SMAD1: variants seen among roughly 807,000 people sequenced by gnomAD.
SMAD1 encodes the protein MAD, mothers against decapentaplegic homolog 1.
SMAD1 carries 6 observed loss-of-function variants against 41.6 expected under a neutral mutation model. The ratio of observed to expected loss-of-function variants is 0.14; its 90% CI spans 0.08 to 0.28. The LOEUF (loss-of-function observed/expected upper bound fraction) is 0.28, where lower values mean the gene tolerates loss of function less well. SMAD1 is among the 10% of genes least tolerant of loss of function. SMAD1 has a pLI of 1.00. For synonymous variants in SMAD1, 206 were observed against 203.2 expected (o/e 1.01, Z -0.12); for missense variants, 379 against 582.6 (o/e 0.65, Z 3.60).
chr4:145,516,394 T>G (rs1429217331), intron 2 of SMAD1, among the ~76,000 whole-genome samples: 2 of 152,232 alleles, frequency 1.3e-5, no homozygotes, highest in African/African-American at 4.8e-5. Context: ...TTTATTGGAA[T>G]TTCGTTGATT....
chr4:145,510,977 C>T lies in SMAD1; in HGVS notation c.-176-3461C>T, dbSNP rs551252702. On this transcript the variant is annotated intron_variant, in intron 1 of 6. Coordinates refer to ENST00000302085, the MANE Select transcript of SMAD1 (RefSeq NM_005900.3). The stretch of plus-strand genomic sequence containing the variant: ...TTGTCTTTAAAAATCTCTGGTGATA[C>T]CTCTTACTTTTGAAGTCTGTTTTAT... Among the ~76,000 whole-genome samples, 40 of 152,074 alleles carry T rather than the reference C, an allele frequency of 2.6e-4. 1 individual carries two copies. In the South Asian group the frequency reaches 3.9e-3, roughly 15 times the overall value.
intron 2 of SMAD1, among the ~76,000 whole-genome samples, chr4:145,536,192 A>G (rs892211291): frequency 1.3e-5 from 2 of 152,164 alleles, no homozygotes; most frequent in African/African-American, 4.8e-5. Context: ...AGTTGGCTTA[A>G]CACTTGGATG....
intron 1 of SMAD1, among the ~76,000 whole-genome samples, chr4:145,500,065 T>C (rs1250699861): frequency 6.6e-6 from 1 of 152,218 alleles, no homozygotes; most frequent in African/African-American, 2.4e-5. Flanking sequence ...TTCATGTCTG[T>C]ACTTTGAGAA....
intron 1 of SMAD1, among the ~76,000 whole-genome samples, chr4:145,496,735 A>T (rs758608789): frequency 9.9e-5 from 15 of 152,200 alleles, no homozygotes; most frequent in Non-Finnish European, 2.1e-4. Flanking sequence ...TGCCCCAGGT[A>T]TACCAAGGGA....
At chr4:145,494,364 G>T (rs1728946422) in intron 1 of SMAD1, among the ~76,000 whole-genome samples, 2 of 152,232 alleles carry the variant, frequency 1.3e-5, no homozygotes, top group Non-Finnish European at 2.9e-5. Context: ...GTAAGGAATT[G>T]TAAGTACAGG....
intron 1 of SMAD1, among the ~76,000 whole-genome samples, chr4:145,508,878 C>T (rs1325750100): frequency 2.0e-5 from 3 of 152,114 alleles, no homozygotes; most frequent in Non-Finnish European, 2.9e-5. Context: ...TTTATGAGGG[C>T]ACTAATTCCA....
intron 1 of SMAD1, among the ~76,000 whole-genome samples, chr4:145,505,935 C>A (rs762243031): frequency 2.7e-4 from 41 of 151,900 alleles, no homozygotes; most frequent in Non-Finnish European, 5.0e-4. Flanking sequence ...ACCTCCACCT[C>A]CCTGTTCAAG....
intron 2 of SMAD1, among the ~76,000 whole-genome samples, chr4:145,524,275 T>C (rs780178497): frequency 2.0e-5 from 3 of 152,214 alleles, no homozygotes; most frequent in Non-Finnish European, 2.9e-5. Flanking sequence ...GATCTTTTAG[T>C]GGATTCCAGT....
chr4:145,513,518 T>C (rs1730205876), intron 1 of SMAD1: 1 of 152,358 alleles, frequency 6.6e-6, no homozygotes, highest in Admixed American at 6.5e-5. Flanking sequence ...TTTATGTCAA[T>C]AAATAGCAAC....
chr4:145,538,341 G>A (rs1008771662), intron 2 of SMAD1, among the ~76,000 whole-genome samples: 2 of 152,042 alleles, frequency 1.3e-5, no homozygotes, highest in Non-Finnish European at 2.9e-5. Flanking sequence ...GTTTGGTTTG[G>A]GAAGATTCCA....
At position 145,525,093 on chromosome 4, in the gene SMAD1, A is replaced by C. The variant is rs187396858; in HGVS notation, c.400+10080A>C. Among the ~76,000 whole-genome samples, 164 of 152,314 alleles carry C rather than the reference A, an allele frequency of 1.1e-3. 3 individuals carry two copies. Among genetic ancestry groups the C allele is most frequent in the Admixed American group, 0.01 (154 of 15,304 alleles). On this transcript the variant is annotated intron_variant, in intron 2 of 6. Coordinates refer to ENST00000302085, the MANE Select transcript of SMAD1 (RefSeq NM_005900.3). ...CGGTGGCCTTGCTGGATACTTGGAA[A>C]AAGGAGAGAAATAGAAGAGGATGGT...
intron 2 of SMAD1, among the ~76,000 whole-genome samples, chr4:145,537,591 G>A (rs1402956131): frequency 3.3e-5 from 5 of 152,066 alleles, no homozygotes; most frequent in African/African-American, 1.2e-4. Context: ...CCCAACCCAA[G>A]TATTTAGCAG....
At chr4:145,554,450 G>A (rs1323244818) in intron 6 of SMAD1, among the ~76,000 whole-genome samples, 1 of 151,666 alleles carries the variant, frequency 6.6e-6, no homozygotes, top group African/African-American at 2.4e-5. Context: ...GCTTGTTTTT[G>A]TTTCAACAGT....
intron 2 of SMAD1, among the ~76,000 whole-genome samples, chr4:145,536,651 TAAAG>T (rs1373417764): frequency 2.0e-5 from 3 of 152,126 alleles, no homozygotes; most frequent in African/African-American, 7.2e-5. Context: ...ATAATGGAGT[TAAAG>T]AAAATTCAGT....
intron 2 of SMAD1, among the ~76,000 whole-genome samples, chr4:145,533,086 A>T (rs1731411572): frequency 6.6e-6 from 1 of 152,226 alleles, no homozygotes; most frequent in Non-Finnish European, 1.5e-5. Flanking sequence ...GATTCCACAC[A>T]GGGAGAGAGG....
At chr4:145,501,051 C>T (rs866857198) in intron 1 of SMAD1, among the ~76,000 whole-genome samples, 1 of 152,118 alleles carries the variant, frequency 6.6e-6, no homozygotes, top group Non-Finnish European at 1.5e-5. Flanking sequence ...AATTTAGAAA[C>T]CATCTTAAAA....
At chr4:145,548,737 G>T (rs1226311059) in intron 5 of SMAD1, among the ~76,000 whole-genome samples, 2 of 152,140 alleles carry the variant, frequency 1.3e-5, no homozygotes, top group Admixed American at 1.3e-4. Context: ...ATGTTTATGA[G>T]AATCAGTTTA....
intron 2 of SMAD1, among the ~76,000 whole-genome samples, chr4:145,516,105 A>T (rs373747310): frequency 9.0e-4 from 137 of 152,362 alleles, no homozygotes; most frequent in African/African-American, 3.1e-3. Context: ...ATAAAAGATT[A>T]CGTGTAAACT....
upstream of SMAD1, chr4:145,481,767 G>C (rs763483654): frequency 7.6e-5 from 15 of 197,924 alleles, no homozygotes; most frequent in African/African-American, 1.9e-4. Context: ...GCGTGTGAGC[G>C]GGCGGGCGGG....
Sources: gnomAD v4.1 joint callset for allele counts (sites outside exome capture counted in the v4.1 genomes callset) on GRCh38, gnomAD v4.1.1 for gene constraint, MANE v1.5 for transcripts, NCBI Gene and HGNC (gene_info 2026-07-23, HGNC 2026-07-21) for gene names.